IFT43: variants seen among roughly 807,000 people sequenced by gnomAD.
IFT43 encodes the protein intraflagellar transport protein 43 homolog.
Under a neutral mutation model 32.3 loss-of-function variants are expected in IFT43, and 33 were observed. The ratio of observed to expected loss-of-function variants is 1.02; its 90% confidence interval spans 0.77 to 1.37. IFT43 has a LOEUF of 1.37. Ranked by LOEUF, IFT43 falls within the 40% of genes most tolerant of loss-of-function variation. IFT43 has a pLI of 0.00. For synonymous variants in IFT43, 93 were observed against 98.2 expected, an observed-to-expected ratio of 0.95 and a Z score of 0.31; for missense variants, 274 against 265.9, an observed-to-expected ratio of 1.03 and a Z score of -0.21.
intron 5 of IFT43, 195 bp downstream of exon 5, chr14:76,059,568 T>C (rs1389079421): frequency 1.6e-6 from 1 of 612,644 alleles, no homozygotes; most frequent in Admixed American, 2.5e-5. Context: ...CTTCTTTATC[T>C]GATAACCCTG....
chr14:76,075,945 T>C (rs993676130), intron 5 of IFT43, among the ~76,000 whole-genome samples: 1 of 152,256 alleles, frequency 6.6e-6, no homozygotes, highest in African/African-American at 2.4e-5. Context: ...TTTCTTGCAC[T>C]TGAGAGCTCT....
At chr14:76,030,168 A>G (rs756472560) in intron 3 of IFT43, among the ~76,000 whole-genome samples, 33 of 151,902 alleles carry the variant, frequency 2.2e-4, no homozygotes, top group Non-Finnish European at 4.0e-4. Flanking sequence ...GCCATGAACT[A>G]TTGCACCCAG....
chr14:76,083,687 T>C lies in IFT43; in HGVS notation c.*110T>C, dbSNP rs2037557910. On this transcript the variant is annotated 3_prime_UTR_variant, in exon 9 of 9. Coordinates refer to ENST00000314067, the MANE Select transcript of IFT43 (RefSeq NM_001102564.3). ...GAATATTTTGTAATAAAAATATTTA[T>C]ATTCAGTCAACCACATTGGATAATT... The C allele has an allele frequency of 4.8e-6, 5 of 1,031,886 alleles. No homozygotes were observed. Among genetic ancestry groups the C allele is most frequent in the African/African-American group, 1.6e-5 (1 of 62,970 alleles). The allele number at this position is 1,031,886 out of a possible 1,614,324, so 63.9% of individuals were successfully genotyped here.
intron 1 of IFT43, 103 bp downstream of exon 1, chr14:75,985,943 C>A (rs1009808428): frequency 1.5e-4 from 235 of 1,545,764 alleles, no homozygotes; most frequent in Non-Finnish European, 2.0e-4. Context: ...CGGCAGGCCT[C>A]GCGCCGCGCC....
chr14:76,040,147 G>T (rs1376126751), intron 3 of IFT43, among the ~76,000 whole-genome samples: 2 of 152,030 alleles, frequency 1.3e-5, no homozygotes, highest in African/African-American at 4.8e-5. Context: ...TGGAGACAGG[G>T]TCTCACTATG....
At chr14:76,033,782 G>A (rs1169207967) in intron 3 of IFT43, among the ~76,000 whole-genome samples, 1 of 152,156 alleles carries the variant, frequency 6.6e-6, no homozygotes, top group Non-Finnish European at 1.5e-5. Flanking sequence ...TCTAATTTAG[G>A]AGACATTTTC....
chr14:76,012,054 G>A (rs1461254300), intron 2 of IFT43, among the ~76,000 whole-genome samples: 1 of 152,200 alleles, frequency 6.6e-6, no homozygotes. Context: ...GCCCCTAGAA[G>A]CTGGAAGATG....
At chr14:76,058,254 G>T (rs1166283841) in intron 3 of IFT43, 3 of 259,676 alleles carry the variant, frequency 1.2e-5, no homozygotes, top group Middle Eastern at 1.4e-3. Flanking sequence ...GTTGCAAGTC[G>T]CAAGTGCTGA....
intron 3 of IFT43, among the ~76,000 whole-genome samples, chr14:76,027,063 A>G (rs1456714906): frequency 6.6e-6 from 1 of 152,154 alleles, no homozygotes; most frequent in African/African-American, 2.4e-5. Flanking sequence ...GGAGAACAAC[A>G]CACATTGGGG....
Position 76,083,611 on chromosome 14 carries a change from CA to C in IFT43, c.*36del, listed in dbSNP as rs761664784. ...CCCATGCTCTAGACATGAAGAAATG[CA>C]ATGAGCTTAAAGCTAAAGAAGCTTG... On this transcript the variant is annotated 3_prime_UTR_variant, in exon 9 of 9. Coordinates refer to ENST00000314067, the MANE Select transcript of IFT43 (RefSeq NM_001102564.3). 8 of 1,609,178 alleles carry C rather than the reference CA, an allele frequency of 5.0e-6. No homozygotes were observed. Among genetic ancestry groups the C allele is most frequent in the Non-Finnish European group, 6.8e-6 (8 of 1,177,228 alleles).
intron 3 of IFT43, among the ~76,000 whole-genome samples, chr14:76,024,038 T>A (rs2036343904): frequency 6.6e-6 from 1 of 152,104 alleles, no homozygotes; most frequent in African/African-American, 2.4e-5. Context: ...AAACTACGGG[T>A]TCAGGCTGCT....
At chr14:76,052,709 T>C (rs1017203709) in intron 3 of IFT43, among the ~76,000 whole-genome samples, 3 of 152,124 alleles carry the variant, frequency 2.0e-5, no homozygotes, top group Admixed American at 2.0e-4. Context: ...AGCAAAAGAA[T>C]TTCAAAAAGG....
intron 3 of IFT43, among the ~76,000 whole-genome samples, chr14:76,057,250 T>TC (rs2037035992): frequency 6.6e-6 from 1 of 152,036 alleles, no homozygotes; most frequent in African/African-American, 2.4e-5. Context: ...TTATTTTTTT[T>TC]GAGACGGAGT....
At chr14:76,016,694 A>T (rs530062903) in intron 2 of IFT43, among the ~76,000 whole-genome samples, 61 of 152,154 alleles carry the variant, frequency 4.0e-4, no homozygotes, top group African/African-American at 1.4e-3. Context: ...TAAGCATGGG[A>T]TGTCTATTTG....
chr14:76,002,874 C>T (rs1390899026), intron 2 of IFT43, among the ~76,000 whole-genome samples: 3 of 152,132 alleles, frequency 2.0e-5, no homozygotes, highest in Non-Finnish European at 4.4e-5. Flanking sequence ...GCGAGAGCAA[C>T]GAAGTCCGTG....
chr14:76,015,579 A>G (rs938765806), intron 2 of IFT43, among the ~76,000 whole-genome samples: 1 of 152,244 alleles, frequency 6.6e-6, no homozygotes, highest in African/African-American at 2.4e-5. Flanking sequence ...CTTTGATTTT[A>G]GAAGTAGGTG....
chr14:75,993,955 ACT>A (rs1417168624), intron 2 of IFT43, among the ~76,000 whole-genome samples: 2 of 151,706 alleles, frequency 1.3e-5, no homozygotes, highest in Non-Finnish European at 2.9e-5. Flanking sequence ...TTACAGCCAC[ACT>A]CTCAGTTTCA....
At chr14:76,045,960 G>A (rs1198337410) in intron 3 of IFT43, among the ~76,000 whole-genome samples, 1 of 152,170 alleles carries the variant, frequency 6.6e-6, no homozygotes, top group African/African-American at 2.4e-5. Context: ...ACCCTGTTGA[G>A]CTGAGTTTCA....
chr14:76,030,645 T>C (rs1240274995), intron 3 of IFT43, among the ~76,000 whole-genome samples: 3 of 152,194 alleles, frequency 2.0e-5, no homozygotes, highest in Non-Finnish European at 4.4e-5. Flanking sequence ...TAAGTAAAAC[T>C]CAAGATTTCT....
Sources: allele counts gnomAD v4.1 joint callset (sites outside exome capture counted in the v4.1 genomes callset), GRCh38; gene constraint gnomAD v4.1.1; transcripts MANE v1.5; gene names NCBI Gene and HGNC (gene_info 2026-07-23, HGNC 2026-07-21).